The following RAB27B variants were observed in gnomAD, a reference collection of about 807,000 sequenced individuals.
RAB27B encodes the protein ras-related protein Rab-27B.
RAB27B carries 15 observed loss-of-function variants against 24.6 expected under a neutral mutation model. That is an observed-to-expected ratio of 0.61 (90% CI 0.41 to 0.94). The LOEUF (loss-of-function observed/expected upper bound fraction) is 0.94, where lower values mean the gene tolerates loss of function less well. RAB27B is among the 40% of genes least tolerant of loss of function. The pLI, the probability that RAB27B is intolerant of heterozygous loss-of-function variation, is 0.00. For synonymous variants in RAB27B, 105 were observed against 92.5 expected (o/e 1.14, Z -0.78); for missense variants, 261 against 266.8 (o/e 0.98, Z 0.15).
At chr18:54,847,105 C>T (rs1598955673) in intron 1 of RAB27B, among the ~76,000 whole-genome samples, 1 of 152,198 alleles carries the variant, frequency 6.6e-6, no homozygotes, top group East Asian at 1.9e-4. Context: ...CCCACCTCAG[C>T]CTCCCAAAGT....
intron 2 of RAB27B, among the ~76,000 whole-genome samples, chr18:54,806,625 A>G (rs939978384): frequency 2.7e-5 from 4 of 150,430 alleles, no homozygotes; most frequent in Admixed American, 2.7e-4. Context: ...TTGATATTGT[A>G]TCATAACATC....
At chr18:54,744,771 G>T in intron 2 of RAB27B, 1 of 164,888 alleles carries the variant, frequency 6.1e-6, no homozygotes, top group South Asian at 1.7e-4. Flanking sequence ...GTGATGTCCT[G>T]AACATGAAAG....
intron 2 of RAB27B, among the ~76,000 whole-genome samples, chr18:54,813,765 TC>T (rs2145153560): frequency 6.6e-6 from 1 of 152,248 alleles, no homozygotes; most frequent in South Asian, 2.1e-4. Context: ...TATAAATATG[TC>T]AATTCACCTC....
intron 2 of RAB27B, among the ~76,000 whole-genome samples, chr18:54,789,514 T>A (rs1052332209): frequency 2.0e-5 from 3 of 152,156 alleles, no homozygotes; most frequent in African/African-American, 7.2e-5. Flanking sequence ...TAAATATGTA[T>A]GTATACATGT....
chr18:54,874,539 C>T (rs1159027384), intron 1 of RAB27B, among the ~76,000 whole-genome samples: 4 of 147,502 alleles, frequency 2.7e-5, no homozygotes, highest in East Asian at 4.0e-4. Context: ...GAGACTGTCA[C>T]GCATTCATAC....
chr18:54,780,887 T>C (rs1201464333), intron 2 of RAB27B, among the ~76,000 whole-genome samples: 1 of 152,202 alleles, frequency 6.6e-6, no homozygotes, highest in Non-Finnish European at 1.5e-5. Flanking sequence ...TGCTGAGCTT[T>C]GTACTGGGAG....
At chr18:54,880,163 C>G (rs1846935986) in intron 3 of RAB27B, 1 of 152,248 alleles carries the variant, frequency 6.6e-6, no homozygotes, top group Admixed American at 6.5e-5. Context: ...TCACTTGGGG[C>G]CTTCTCACTC....
intron 4 of RAB27B, 48 bp from the exon 5 acceptor site, chr18:54,887,947 T>C: frequency 6.3e-7 from 1 of 1,585,674 alleles, no homozygotes; most frequent in South Asian, 1.1e-5. Flanking sequence ...TCATTTGACA[T>C]CACTTATTTA....
chr18:54,726,345 T>C (rs749730152), intron 2 of RAB27B, among the ~76,000 whole-genome samples: 1 of 151,610 alleles, frequency 6.6e-6, no homozygotes, highest in Non-Finnish European at 1.5e-5. Flanking sequence ...GAAGAGAATT[T>C]TGAATACATC....
intron 2 of RAB27B, among the ~76,000 whole-genome samples, chr18:54,753,554 C>A (rs1285484955): frequency 6.6e-6 from 1 of 152,106 alleles, no homozygotes; most frequent in Non-Finnish European, 1.5e-5. Flanking sequence ...TTAATGGCAG[C>A]CACAATAAAG....
chr18:54,799,188 TC>T (rs1340510101), intron 2 of RAB27B, among the ~76,000 whole-genome samples: 3 of 152,216 alleles, frequency 2.0e-5, no homozygotes, highest in African/African-American at 7.2e-5. Flanking sequence ...GTGTTATTGA[TC>T]ATGCTAGGAT....
upstream of RAB27B, among the ~76,000 whole-genome samples, chr18:54,825,857 C>T (rs1010001940): frequency 7.2e-5 from 11 of 152,200 alleles, no homozygotes; most frequent in Middle Eastern, 6.3e-3. Context: ...ACCCCACCAC[C>T]TGGCCTCCTT....
At chr18:54,877,477 C>G in intron 1 of RAB27B, 90 bp from the exon 2 acceptor site, 1 of 1,074,122 alleles carries the variant, frequency 9.3e-7, no homozygotes, top group Non-Finnish European at 1.2e-6. Context: ...ACTTTTTAAC[C>G]CTGAAAATTA....
At chr18:54,841,394 T>C (rs550418143) in intron 1 of RAB27B, among the ~76,000 whole-genome samples, 3 of 152,280 alleles carry the variant, frequency 2.0e-5, no homozygotes, top group African/African-American at 7.2e-5. Flanking sequence ...TATCTGCAGA[T>C]GGTTTAAAAT....
chr18:54,754,944 C>T (rs1337971388), intron 2 of RAB27B, among the ~76,000 whole-genome samples: 1 of 152,092 alleles, frequency 6.6e-6, no homozygotes, highest in Non-Finnish European at 1.5e-5. Context: ...CTCTGGCTCT[C>T]CTAGGCTCCT....
chr18:54,723,413 T>C (rs1181674809), intron 2 of RAB27B, among the ~76,000 whole-genome samples: 1 of 152,226 alleles, frequency 6.6e-6, no homozygotes, highest in Non-Finnish European at 1.5e-5. Flanking sequence ...AAAATTTATC[T>C]ATTATTCAAC....
intron 2 of RAB27B, among the ~76,000 whole-genome samples, chr18:54,758,729 C>T (rs559314521): frequency 1.3e-5 from 2 of 151,826 alleles, no homozygotes; most frequent in South Asian, 2.1e-4. Context: ...ATAACTTGCT[C>T]TCAGAAAACC....
intron 1 of RAB27B, among the ~76,000 whole-genome samples, chr18:54,836,913 G>A (rs186536128): frequency 1.6e-3 from 248 of 152,248 alleles, no homozygotes; most frequent in Non-Finnish European, 2.1e-3. Context: ...AGCTGATGAT[G>A]TTATTACAAC....
intron 2 of RAB27B, among the ~76,000 whole-genome samples, chr18:54,763,265 ATG>A (rs983865725): frequency 6.6e-6 from 1 of 152,184 alleles, no homozygotes; most frequent in African/African-American, 2.4e-5. Context: ...ATTTTAATGT[ATG>A]TTAATAAATT....
Sources: gnomAD v4.1 joint callset for allele counts (sites outside exome capture counted in the v4.1 genomes callset) on GRCh38, gnomAD v4.1.1 for gene constraint, MANE v1.5 for transcripts, NCBI Gene and HGNC (gene_info 2026-07-23, HGNC 2026-07-21) for gene names.